Variants in UBE2U observed in about 807,000 individuals in gnomAD.
UBE2U encodes the protein ubiquitin conjugating enzyme E2 U.
A neutral mutation model predicts 41.2 loss-of-function variants in UBE2U; 39 were observed. The observed-to-expected ratio is 0.95, with a 90% confidence interval of 0.73 to 1.24. The LOEUF (loss-of-function observed/expected upper bound fraction) is 1.24, where lower values mean the gene tolerates loss of function less well. Among genes scored for constraint, UBE2U ranks in the 50% most tolerant of loss-of-function variants. UBE2U has a pLI of 0.00. For synonymous variants in UBE2U, 107 were observed against 117.8 expected (o/e 0.91, Z 0.60); for missense variants, 336 against 363.1 (o/e 0.93, Z 0.61).
At chr1:64,249,547 T>G (rs1644974420) in intron 8 of UBE2U, among the ~76,000 whole-genome samples, 1 of 151,740 alleles carries the variant, frequency 6.6e-6, no homozygotes, top group East Asian at 1.9e-4. Flanking sequence ...ATATACTGAA[T>G]TATCTAAAGA....
chr1:64,226,303 T>TC (rs1652862026), intron 6 of UBE2U, among the ~76,000 whole-genome samples: 1 of 152,226 alleles, frequency 6.6e-6, no homozygotes, highest in African/African-American at 2.4e-5. Context: ...TATATGAAGT[T>TC]CTAGGACAGG....
chr1:64,220,326 G>A (rs1337750286), intron 5 of UBE2U, among the ~76,000 whole-genome samples: 1 of 152,090 alleles, frequency 6.6e-6, no homozygotes, highest in East Asian at 1.9e-4. Flanking sequence ...CGAGGGGAGA[G>A]AATCAGGAAT....
chr1:64,211,520 G>C (rs567176679), intron 4 of UBE2U, among the ~76,000 whole-genome samples: 1 of 152,198 alleles, frequency 6.6e-6, no homozygotes, highest in Non-Finnish European at 1.5e-5. Flanking sequence ...GCTCACTGCA[G>C]CCTCAACCTC....
chr1:64,215,034 A>G, intron 5 of UBE2U, 102 bp downstream of exon 5: 1 of 760,638 alleles, frequency 1.3e-6, no homozygotes, highest in Non-Finnish European at 2.2e-6. Context: ...GGAGTTCGAG[A>G]CCAGCCTGAC....
At chr1:64,239,129 GAAGAAGAAGAAGAAGAAGAAGAAGAAGA>G (rs1464154873) in intron 7 of UBE2U, among the ~76,000 whole-genome samples, 2,393 of 25,908 alleles carry the variant, frequency 0.092, 60 homozygotes, top group Non-Finnish European at 0.094. Flanking sequence ...AGAAGAAGAA[GAAGAAGAAGAAGAAGAAGAAGAAGAAGA>G]AAGAAGAAGA....
At chr1:64,217,644 T>C (rs1400190140) in intron 5 of UBE2U, among the ~76,000 whole-genome samples, 1 of 152,170 alleles carries the variant, frequency 6.6e-6, no homozygotes, top group Non-Finnish European at 1.5e-5. Context: ...AGCTGAGTGA[T>C]GGTAGCTAAG....
At chr1:64,227,414 A>G (rs1382400583) in intron 6 of UBE2U, among the ~76,000 whole-genome samples, 2 of 152,266 alleles carry the variant, frequency 1.3e-5, no homozygotes, top group African/African-American at 4.8e-5. Context: ...TAGTGAATTT[A>G]GCAAAGACTC....
intron 7 of UBE2U, among the ~76,000 whole-genome samples, chr1:64,239,168 A>AGAAGAG (rs1557731240): frequency 1.1e-4 from 8 of 72,322 alleles, no homozygotes; most frequent in Middle Eastern, 7.5e-3. Context: ...AAGAAGAAGA[A>AGAAGAG]GAAGAAGAAG....
chr1:64,239,689 T>C (rs973163648), intron 7 of UBE2U, among the ~76,000 whole-genome samples: 1 of 152,026 alleles, frequency 6.6e-6, no homozygotes, highest in Non-Finnish European at 1.5e-5. Context: ...CCCTACAAAG[T>C]ACATGAACTC....
intron 6 of UBE2U, among the ~76,000 whole-genome samples, chr1:64,229,746 CCTTT>C (rs369772726): frequency 2.6e-5 from 4 of 152,278 alleles, no homozygotes; most frequent in East Asian, 1.9e-4. Context: ...CCCTAATGAA[CCTTT>C]CTTTCTTTCA....
chr1:64,205,589 A>G (rs745342423), intron 1 of UBE2U, 50 bp from the exon 2 acceptor site: 16 of 1,488,712 alleles, frequency 1.1e-5, no homozygotes, highest in African/African-American at 5.6e-5. Flanking sequence ...CAAAACTTCA[A>G]TAAATACTTA....
intron 8 of UBE2U, 135 bp downstream of exon 8, chr1:64,241,868 C>G: frequency 1.7e-6 from 1 of 583,722 alleles, no homozygotes; most frequent in Non-Finnish European, 2.9e-6. Flanking sequence ...AGTATAAGAA[C>G]AAGAATAAAA....
At chr1:64,213,998 C>T (rs1651819532) in intron 4 of UBE2U, among the ~76,000 whole-genome samples, 1 of 152,094 alleles carries the variant, frequency 6.6e-6, no homozygotes, top group Non-Finnish European at 1.5e-5. Flanking sequence ...CTTATGGGAC[C>T]ACCATGATAT....
At chr1:64,248,296 C>T (rs568402267) in intron 8 of UBE2U, among the ~76,000 whole-genome samples, 2 of 152,186 alleles carry the variant, frequency 1.3e-5, no homozygotes, top group Non-Finnish European at 2.9e-5. Context: ...CTCAGGTTCT[C>T]TGTCTGAGCA....
intron 7 of UBE2U, among the ~76,000 whole-genome samples, chr1:64,233,302 C>T (rs72920772): frequency 0.2 from 30,151 of 151,940 alleles, 3,930 homozygotes; most frequent in East Asian, 0.43. Flanking sequence ...CCACCACACC[C>T]GGCCTTATTT....
chr1:64,238,815 G>A (rs1427030543), intron 7 of UBE2U, among the ~76,000 whole-genome samples: 2 of 152,034 alleles, frequency 1.3e-5, no homozygotes, highest in Non-Finnish European at 1.5e-5. Context: ...GCCAAAGCAG[G>A]AGGATTTCTT....
chr1:64,247,986 C>G (rs1181514999), intron 8 of UBE2U, among the ~76,000 whole-genome samples: 1 of 152,138 alleles, frequency 6.6e-6, no homozygotes, highest in Non-Finnish European at 1.5e-5. Context: ...ACAGCTTTCA[C>G]CAGATGCCCA....
At chr1:64,239,172 G>GA (rs1383213492) in intron 7 of UBE2U, among the ~76,000 whole-genome samples, 40 of 95,660 alleles carry the variant, frequency 4.2e-4, no homozygotes, top group African/African-American at 1.8e-3. Flanking sequence ...AGAAGAAGAA[G>GA]AAGAAGAAGA....
Position 64,239,151 on chromosome 1 carries a change from AAG to A in UBE2U, c.596-2499_596-2498del, listed in dbSNP as rs1557730825. On this transcript the variant is annotated intron_variant, in intron 7 of 9. Coordinates refer to ENST00000371077, the MANE Select transcript of UBE2U (RefSeq NM_001366232.2). ...GAAGAAGAAGAAGAAGAAGAAGAAG[AAG>A]AAGAAAGAAGAAGAAGAAGAAGAAG... 2.1e-4 allele frequency among the ~76,000 whole-genome samples: 5 copies of A among 23,842 alleles called. No homozygotes were observed. In the East Asian group the frequency reaches 7.8e-3, roughly 37 times the overall value. The allele number at this position is 23,842 out of a possible 152,430, so 15.6% of individuals were successfully genotyped here. A position where few individuals can be genotyped will look rare whatever the true frequency, so the allele number is the denominator to read the frequency against.
Sources: gnomAD v4.1 joint callset for allele counts (sites outside exome capture counted in the v4.1 genomes callset) on GRCh38, gnomAD v4.1.1 for gene constraint, MANE v1.5 for transcripts, NCBI Gene and HGNC (gene_info 2026-07-23, HGNC 2026-07-21) for gene names.